The following PTPRR variants were observed in gnomAD, a reference collection of about 807,000 sequenced individuals.
PTPRR encodes protein tyrosine phosphatase receptor type R.
A neutral mutation model predicts 77.2 loss-of-function variants in PTPRR; 38 were observed. The observed-to-expected ratio is 0.49, with a 90% CI of 0.38 to 0.65. The LOEUF is 0.65. Ranked by LOEUF, PTPRR falls within the 30% of genes least tolerant of loss-of-function variation. PTPRR has a pLI of 0.00. For synonymous variants in PTPRR, 299 were observed against 283.1 expected (o/e 1.06, Z -0.57); for missense variants, 744 against 799.2 (o/e 0.93, Z 0.83).
chr12:70,804,714 T>G (rs1039317917), intron 2 of PTPRR, among the ~76,000 whole-genome samples: 2 of 152,190 alleles, frequency 1.3e-5, no homozygotes, highest in African/African-American at 4.8e-5. Flanking sequence ...AGAATCAGTC[T>G]GTTTCCTGGT....
chr12:70,905,210 G>A (rs541685915), intron 1 of PTPRR, among the ~76,000 whole-genome samples: 150 of 151,940 alleles, frequency 9.9e-4, no homozygotes, highest in African/African-American at 3.3e-3. Flanking sequence ...TGGAAGTTGA[G>A]AAAATTATCT....
rs564031656 is a variant in PTPRR, at chr12:70,660,526, T to C, written c.1766+414A>G. Among the ~76,000 whole-genome samples the C allele has an allele frequency of 2.6e-5, 4 of 152,310 alleles. No homozygotes were observed. The South Asian group carries it at 8.3e-4, about 32-fold the overall frequency. Reference sequence around the variant, plus strand: ...ACTTGAAATAGTAATGTTACCAAGATACAAGCCAAGCAGAGTTCACATGTC... The same window carrying C: ...ACTTGAAATAGTAATGTTACCAAGACACAAGCCAAGCAGAGTTCACATGTC... On this transcript the variant is annotated intron_variant, in intron 12 of 13. Transcript: ENST00000283228.
intron 6 of PTPRR, among the ~76,000 whole-genome samples, chr12:70,731,099 A>AGAGAGAGGAAGGAAGGAGGAAG (rs1889645071): frequency 3.4e-5 from 5 of 147,334 alleles, no homozygotes; most frequent in African/African-American, 1.0e-4. Context: ...AGGAGGAAGG[A>AGAGAGAGGAAGGAAGGAGGAAG]GAGAGAGGAA....
intron 3 of PTPRR, among the ~76,000 whole-genome samples, chr12:70,763,948 A>G (rs932624582): frequency 2.6e-5 from 4 of 151,446 alleles, no homozygotes; most frequent in African/African-American, 9.7e-5. Context: ...GAAATAATGG[A>G]TGTGGGTGAT....
chr12:70,880,381 T>A (rs1481495518), intron 2 of PTPRR, among the ~76,000 whole-genome samples: 1 of 152,194 alleles, frequency 6.6e-6, no homozygotes, highest in Non-Finnish European at 1.5e-5. Context: ...TAGTTATTCT[T>A]CTACCACACA....
chr12:70,775,563 G>A (rs1409627936), intron 2 of PTPRR, among the ~76,000 whole-genome samples: 1 of 152,188 alleles, frequency 6.6e-6, no homozygotes. Context: ...TAGGCAGCCT[G>A]GACTTTCATT....
At chr12:70,920,291 A>G (rs976676618) in intron 1 of PTPRR, 42 bp downstream of exon 1, 1 of 1,584,934 alleles carries the variant, frequency 6.3e-7, no homozygotes, top group Non-Finnish European at 8.7e-7. Context: ...GCAGTTTCCC[A>G]TCTCATGCAC....
chr12:70,640,154 C>G (rs140281986), intron 13 of PTPRR, among the ~76,000 whole-genome samples: 1 of 152,136 alleles, frequency 6.6e-6, no homozygotes, highest in South Asian at 2.1e-4. Flanking sequence ...CACATTTTCC[C>G]CCTTCATAAT....
chr12:70,699,891 A>G (rs1396701126), intron 7 of PTPRR, among the ~76,000 whole-genome samples: 1 of 152,108 alleles, frequency 6.6e-6, no homozygotes, highest in African/African-American at 2.4e-5. Flanking sequence ...ACAGTCTGTC[A>G]TCTTCCAGCA....
chr12:70,682,144 C>T (rs929283980), intron 10 of PTPRR, among the ~76,000 whole-genome samples: 2 of 147,044 alleles, frequency 1.4e-5, no homozygotes, highest in South Asian at 2.2e-4. Flanking sequence ...CCCGGGTTCA[C>T]GCCATTCTCC....
At chr12:70,783,863 C>T (rs982936591) in intron 2 of PTPRR, among the ~76,000 whole-genome samples, 5 of 56,644 alleles carry the variant, frequency 8.8e-5, no homozygotes, top group African/African-American at 4.5e-4. Context: ...GTGGGGGGGA[C>T]GGGGGGGGGG....
intron 2 of PTPRR, among the ~76,000 whole-genome samples, chr12:70,796,472 G>C (rs1269743836): frequency 6.6e-6 from 1 of 151,922 alleles, no homozygotes; most frequent in Non-Finnish European, 1.5e-5. Context: ...TATGTGTTTT[G>C]GTTTAACATA....
At chr12:70,823,382 C>T (rs1480421323) in intron 2 of PTPRR, among the ~76,000 whole-genome samples, 2 of 152,270 alleles carry the variant, frequency 1.3e-5, no homozygotes, top group Middle Eastern at 3.4e-3. Context: ...TGGAAGCATC[C>T]AGCCTAGCTG....
chr12:70,687,314 T>TA (rs200548168), intron 8 of PTPRR, among the ~76,000 whole-genome samples: 3,169 of 149,662 alleles, frequency 0.021, 126 homozygotes, highest in African/African-American at 0.073. Context: ...AATAAAGATA[T>TA]TTTATATATA....
At position 70,920,405 on chromosome 12, in the gene PTPRR, G is replaced by A. The variant is rs1893838729; in HGVS notation, c.-15C>T. ...GCTCTCCGCATAGTGTTTGCATTGA[G>A]AGGTGGAGGAGAAACTCCACCACGA... On this transcript the variant is annotated 5_prime_UTR_variant, in exon 1 of 14. Coordinates refer to ENST00000283228, the MANE Select transcript of PTPRR (RefSeq NM_002849.4). 1.9e-6 allele frequency: 3 copies of A among 1,611,360 alleles called. No homozygotes were observed. Among genetic ancestry groups the A allele is most frequent in the East Asian group, 4.5e-5 (2 of 44,774 alleles).
intron 2 of PTPRR, among the ~76,000 whole-genome samples, chr12:70,867,589 A>G (rs1226290154): frequency 6.6e-6 from 1 of 151,570 alleles, no homozygotes; most frequent in Non-Finnish European, 1.5e-5. Flanking sequence ...AAGAATCAAT[A>G]TCGTGAAAAT....
chr12:70,849,688 G>A (rs2137067988), intron 2 of PTPRR, among the ~76,000 whole-genome samples: 1 of 152,290 alleles, frequency 6.6e-6, no homozygotes, highest in African/African-American at 2.4e-5. Context: ...GGTTGACAAT[G>A]GGCAAAAATT....
intron 13 of PTPRR, among the ~76,000 whole-genome samples, chr12:70,652,511 C>T (rs1185469182): frequency 6.6e-6 from 1 of 152,162 alleles, no homozygotes; most frequent in Non-Finnish European, 1.5e-5. Flanking sequence ...ACAGAAACAG[C>T]TGCTCAGAAA....
At chr12:70,902,148 C>A (rs745636712) in intron 1 of PTPRR, among the ~76,000 whole-genome samples, 3 of 151,636 alleles carry the variant, frequency 2.0e-5, no homozygotes, top group East Asian at 1.9e-4. Context: ...TGGCCATAAT[C>A]AAAAAATCAG....
Sources: gnomAD v4.1 joint callset for allele counts (sites outside exome capture counted in the v4.1 genomes callset) on GRCh38, gnomAD v4.1.1 for gene constraint, MANE v1.5 for transcripts, NCBI Gene and HGNC (gene_info 2026-07-23, HGNC 2026-07-21) for gene names.